The following UBASH3B variants were observed in gnomAD, a reference collection of about 807,000 sequenced individuals.
UBASH3B encodes ubiquitin-associated and SH3 domain-containing protein B.
In UBASH3B, 37 loss-of-function variants were observed where a neutral mutation model predicts 83.4. That is an observed-to-expected ratio of 0.44 (90% confidence interval 0.34 to 0.58). The LOEUF is 0.58. Among genes scored for constraint, UBASH3B ranks in the 20% least tolerant of loss-of-function variants. The pLI, the probability that UBASH3B is intolerant of heterozygous loss-of-function variation, is 0.01. For missense variants in UBASH3B, 657 were observed against 827.2 expected, an observed-to-expected ratio of 0.79 and a Z score of 2.52; for synonymous variants, 304 against 318.3, an observed-to-expected ratio of 0.96 and a Z score of 0.48.
chr11:122,723,708 T>C (rs1384026313), intron 1 of UBASH3B, among the ~76,000 whole-genome samples: 2 of 152,210 alleles, frequency 1.3e-5, no homozygotes, highest in African/African-American at 2.4e-5. Context: ...GTAGAAACCA[T>C]GGGCCGGTGG....
chr11:122,798,955 A>G lies in UBASH3B; in HGVS notation c.1371A>G (p.Leu457=). Reference sequence around the variant, plus strand: ...TTTTCTTTGCAGGTGAAGCCTTATTAGAGAGCAATACCATTATCGATCATG... The same window carrying G: ...TTTTCTTTGCAGGTGAAGCCTTATTGGAGAGCAATACCATTATCGATCATG... The part of the protein sequence containing the change: ...MQARLVGEAL[L]ESNTIIDHVY... The change falls in exon 10 of 14, where the codon TTA becomes TTG. Residue 457 remains leucine, a synonymous_variant. Coordinates refer to ENST00000284273, the MANE Select transcript of UBASH3B (RefSeq NM_032873.5). 6.2e-7 allele frequency: 1 copy of G among 1,614,016 alleles called. No individual in the cohort carries two copies. Among genetic ancestry groups the G allele is most frequent in the East Asian group, 2.2e-5 (1 of 44,870 alleles).
intron 1 of UBASH3B, among the ~76,000 whole-genome samples, chr11:122,769,969 C>T (rs760823858): frequency 2.0e-5 from 3 of 152,122 alleles, no homozygotes; most frequent in Admixed American, 1.3e-4. Context: ...TATTGTAGTT[C>T]GTATTAAATG....
At chr11:122,706,427 T>C (rs1864120981) in intron 1 of UBASH3B, among the ~76,000 whole-genome samples, 1 of 152,206 alleles carries the variant, frequency 6.6e-6, no homozygotes, top group African/African-American at 2.4e-5. Context: ...CATCTGGCCA[T>C]CTGTGGGGAA....
At chr11:122,757,587 A>G (rs994433143) in intron 1 of UBASH3B, among the ~76,000 whole-genome samples, 15 of 152,112 alleles carry the variant, frequency 9.9e-5, no homozygotes, top group African/African-American at 3.6e-4. Flanking sequence ...ATAGTATACA[A>G]TTAATAATCA....
intron 1 of UBASH3B, among the ~76,000 whole-genome samples, chr11:122,690,701 G>A (rs1046399769): frequency 6.6e-6 from 1 of 152,124 alleles, no homozygotes; most frequent in Non-Finnish European, 1.5e-5. Context: ...GACACATAGC[G>A]CTATGCTCCC....
intron 1 of UBASH3B, among the ~76,000 whole-genome samples, chr11:122,665,430 T>C (rs1255574029): frequency 6.6e-6 from 1 of 152,094 alleles, no homozygotes; most frequent in Non-Finnish European, 1.5e-5. Context: ...TGGGCTCAAG[T>C]GATCCGTTCG....
At chr11:122,797,886 T>A (rs1861182033) in intron 9 of UBASH3B, among the ~76,000 whole-genome samples, 2 of 152,012 alleles carry the variant, frequency 1.3e-5, no homozygotes, top group Admixed American at 1.3e-4. Context: ...GAGTATAAAT[T>A]GTGAGGCAAG....
At chr11:122,712,337 A>C (rs748899973) in intron 1 of UBASH3B, among the ~76,000 whole-genome samples, 1 of 152,196 alleles carries the variant, frequency 6.6e-6, no homozygotes, top group Non-Finnish European at 1.5e-5. Flanking sequence ...ATGAAGCTCC[A>C]GCATGAGGAG....
intron 1 of UBASH3B, among the ~76,000 whole-genome samples, chr11:122,757,709 CTTTTT>C (rs781180822): frequency 2.2e-5 from 2 of 92,110 alleles, no homozygotes; most frequent in Non-Finnish European, 2.2e-5. Flanking sequence ...CTTCTTTTCC[CTTTTT>C]TTTTTTTTTT....
chr11:122,811,035 A>G lies in UBASH3B; in HGVS notation c.*1149A>G, dbSNP rs186690206. On this transcript the variant is annotated 3_prime_UTR_variant, in exon 14 of 14. Coordinates refer to ENST00000284273, the MANE Select transcript of UBASH3B (RefSeq NM_032873.5). ...GTGCTGTCGTTTTGTTTGTTTTTCT[A>G]TGATAATTTAAAATACATAGGTAGG... The G allele has an allele frequency of 2.0e-5, 3 of 152,632 alleles. No homozygotes were observed. Among genetic ancestry groups the G allele is most frequent in the African/African-American group, 7.2e-5 (3 of 41,562 alleles). 9.5% of individuals were successfully genotyped at this position (152,632 alleles called of 1,614,324 possible).
intron 1 of UBASH3B, among the ~76,000 whole-genome samples, chr11:122,675,656 C>T (rs971845479): frequency 1.3e-5 from 2 of 152,192 alleles, no homozygotes; most frequent in African/African-American, 4.8e-5. Context: ...AGGAGCACCT[C>T]TGATGAGCCA....
intron 5 of UBASH3B, among the ~76,000 whole-genome samples, chr11:122,784,966 G>A (rs1175683066): frequency 6.6e-6 from 1 of 152,078 alleles, no homozygotes; most frequent in East Asian, 1.9e-4. Context: ...GTGACTGGTT[G>A]GACTCCTTCT....
chr11:122,745,946 A>G (rs952129950), intron 1 of UBASH3B, among the ~76,000 whole-genome samples: 1 of 152,204 alleles, frequency 6.6e-6, no homozygotes, highest in Non-Finnish European at 1.5e-5. Context: ...TTTCTGTCTC[A>G]GCTGAGCTCC....
chr11:122,712,341 T>C (rs531591787), intron 1 of UBASH3B, among the ~76,000 whole-genome samples: 1 of 152,166 alleles, frequency 6.6e-6, no homozygotes, highest in African/African-American at 2.4e-5. Context: ...AGCTCCAGCA[T>C]GAGGAGGTGG....
chr11:122,696,719 G>T (rs533569410), intron 1 of UBASH3B, among the ~76,000 whole-genome samples: 1 of 152,204 alleles, frequency 6.6e-6, no homozygotes, highest in Admixed American at 6.5e-5. Flanking sequence ...GTTTAGTACC[G>T]CAGCCACATC....
At chr11:122,763,715 AG>A (rs1555144051) in intron 1 of UBASH3B, among the ~76,000 whole-genome samples, 1 of 152,204 alleles carries the variant, frequency 6.6e-6, no homozygotes, top group Non-Finnish European at 1.5e-5. Flanking sequence ...CCTAACTGAA[AG>A]GGTTCACCAC....
Position 122,656,044 on chromosome 11 carries a change from T to A in UBASH3B, c.-6T>A, listed in dbSNP as rs1321445268. 1 of 1,580,886 alleles carries A rather than the reference T, an allele frequency of 6.3e-7. No homozygotes were observed. On this transcript the variant is annotated 5_prime_UTR_variant, in exon 1 of 14. An upstream open reading frame in the 5' UTR loses its in-frame stop. Transcript: ENST00000284273. Reference sequence around the variant, plus strand: ...TCCTTCCCTGGCGATGGCTGGCCGCTGAGCCATGGCTCAGTACGGCCACCC... The same window carrying A: ...TCCTTCCCTGGCGATGGCTGGCCGCAGAGCCATGGCTCAGTACGGCCACCC...
At chr11:122,731,507 G>T (rs1362230990) in intron 1 of UBASH3B, among the ~76,000 whole-genome samples, 1 of 151,444 alleles carries the variant, frequency 6.6e-6, no homozygotes, top group African/African-American at 2.4e-5. Context: ...GGGACAGTTG[G>T]TCTGATAACC....
chr11:122,754,982 G>T (rs1050654269), intron 1 of UBASH3B, among the ~76,000 whole-genome samples: 1 of 152,122 alleles, frequency 6.6e-6, no homozygotes, highest in Non-Finnish European at 1.5e-5. Context: ...ACGTTGGAGC[G>T]GTGGAATGGG....
Sources: allele counts gnomAD v4.1 joint callset (sites outside exome capture counted in the v4.1 genomes callset), GRCh38; gene constraint gnomAD v4.1.1; transcripts MANE v1.5; gene names NCBI Gene and HGNC (gene_info 2026-07-23, HGNC 2026-07-21).